The following ARRB1 variants were observed in gnomAD, a reference collection of about 807,000 sequenced individuals.
The protein encoded by ARRB1 is beta-arrestin-1.
ARRB1 carries 21 observed loss-of-function variants against 56.8 expected under a neutral mutation model. That is an observed-to-expected ratio of 0.37 (90% CI 0.26 to 0.53). The LOEUF (loss-of-function observed/expected upper bound fraction) is 0.53, where lower values mean the gene tolerates loss of function less well. ARRB1 is among the 20% of genes least tolerant of loss of function. ARRB1 has a pLI of 0.88. For missense variants in ARRB1, 424 were observed against 553.7 expected, an observed-to-expected ratio of 0.77 and a Z score of 2.35; for synonymous variants, 210 against 218.6, an observed-to-expected ratio of 0.96 and a Z score of 0.35.
chr11:75,267,970 A>T (rs1591885821), intron 14 of ARRB1, among the ~76,000 whole-genome samples: 1 of 152,322 alleles, frequency 6.6e-6, no homozygotes, highest in East Asian at 1.9e-4. Flanking sequence ...GTTTCTTTTG[A>T]CAGGTCTCCA....
rs1334902468 is a variant in ARRB1 at position 75,266,286 on chromosome 11, G to C, written c.1146-12C>G. ...CAATGTCGTCATCACTGGTGGGAGA[G>C]ACAAGGAAAATGTGGTGTGTTTGCA... is the stretch of plus-strand genomic sequence containing the variant. On this transcript the variant is annotated splice_polypyrimidine_tract_variant and intron_variant, in intron 15 of 15. Transcript: ENST00000420843. The C allele has an allele frequency of 6.2e-7, 1 of 1,608,844 alleles. No individual in the cohort carries two copies. Among genetic ancestry groups the C allele is most frequent in the Non-Finnish European group, 8.5e-7 (1 of 1,175,108 alleles).
chr11:75,280,938 G>A (rs772622467), intron 7 of ARRB1, 137 bp downstream of exon 7: 90 of 1,027,132 alleles, frequency 8.8e-5, no homozygotes, highest in South Asian at 1.8e-4. Flanking sequence ...CCAGCTTCCA[G>A]AGTGCCCTTC....
At chr11:75,305,509 T>C (rs1032676223) in intron 1 of ARRB1, among the ~76,000 whole-genome samples, 1 of 152,214 alleles carries the variant, frequency 6.6e-6, no homozygotes, top group Non-Finnish European at 1.5e-5. Flanking sequence ...TTCACACTGG[T>C]AGAGTGAAAT....
intron 13 of ARRB1, among the ~76,000 whole-genome samples, chr11:75,269,408 C>A (rs1946022709): frequency 1.3e-5 from 2 of 152,182 alleles, no homozygotes; most frequent in Non-Finnish European, 2.9e-5. Context: ...TCTCCCAACA[C>A]CTCCAGGGTG....
chr11:75,284,029 A>G (rs993517247), intron 4 of ARRB1, among the ~76,000 whole-genome samples: 6 of 152,168 alleles, frequency 3.9e-5, no homozygotes, highest in African/African-American at 1.2e-4. Context: ...TATTGATGTG[A>G]AAGTGCTCAG....
At chr11:75,285,123 T>C (rs1193488899) in intron 3 of ARRB1, among the ~76,000 whole-genome samples, 1 of 152,160 alleles carries the variant, frequency 6.6e-6, no homozygotes, top group Non-Finnish European at 1.5e-5. Context: ...GGAAGCAATG[T>C]TAGGTTTTCA....
chr11:75,276,796 C>T lies in ARRB1; in HGVS notation c.776+43G>A, dbSNP rs768541327. On this transcript the variant is annotated intron_variant, in intron 10 of 15. Transcript: ENST00000420843. ...GGACACCTAGAGCTTCTCTTTTTCC[C>T]ACCCAATCCCATACGCCCAAGGCCA... 4 of 1,600,876 alleles carry T rather than the reference C, an allele frequency of 2.5e-6. No individual in the cohort carries two copies. The South Asian group carries it at 3.3e-5, about 13-fold the overall frequency.
At chr11:75,271,198 A>G (rs1210921352) in intron 13 of ARRB1, 2 of 152,748 alleles carry the variant, frequency 1.3e-5, no homozygotes, top group Non-Finnish European at 1.5e-5. Flanking sequence ...AGGATGAGCC[A>G]CACTGCCATC....
At chr11:75,325,781 C>A (rs980741586) in intron 1 of ARRB1, among the ~76,000 whole-genome samples, 1 of 152,176 alleles carries the variant, frequency 6.6e-6, no homozygotes, top group African/African-American at 2.4e-5. Flanking sequence ...TTCCAGGCAC[C>A]CCCAGGCATG....
intron 1 of ARRB1, among the ~76,000 whole-genome samples, chr11:75,307,794 G>C (rs1369483423): frequency 1.3e-5 from 2 of 151,772 alleles, no homozygotes; most frequent in South Asian, 4.1e-4. Context: ...ATTTATGTCA[G>C]CTGTGTGTCT....
At chr11:75,272,825 C>T in intron 12 of ARRB1, 70 bp downstream of exon 12, 1 of 1,497,652 alleles carries the variant, frequency 6.7e-7, no homozygotes, top group Non-Finnish European at 9.3e-7. Flanking sequence ...CAGAATGGGG[C>T]AGGGGCCTGT....
rs1425015893 is a variant in ARRB1, at chr11:75,266,250, G to A, written c.1170C>T (p.Asp390=). 3 of 1,614,084 alleles carry A rather than the reference G, an allele frequency of 1.9e-6. No homozygotes were observed. The highest frequency in any genetic ancestry group is 3.3e-5 in the Admixed American group (2 of 60,008). ...TGCCTTTCAGTCTCTGGCGAGCAAAGTCCTCAAATACAATGTCGTCATCAC... is the reference window on the plus strand; with the variant it reads ...TGCCTTTCAGTCTCTGGCGAGCAAAATCCTCAAATACAATGTCGTCATCAC... ...DTNDDDIVFE[D]FARQRLKGMK... Residue 390 remains aspartate (D), a synonymous_variant, in exon 16 of 16, where the codon GAC becomes GAT. Coordinates refer to ENST00000420843, the MANE Select transcript of ARRB1 (RefSeq NM_004041.5).
At position 75,274,061 on chromosome 11, in the gene ARRB1, G is replaced by A; in HGVS notation, c.914+13C>T. ...TGCACTAGGAGCCCAGGGCTAGGAG[G>A]GCAGGTCCTCACAGGGTGCTAGAGG... On this transcript the variant is annotated intron_variant, in intron 11 of 15. Coordinates refer to ENST00000420843, the MANE Select transcript of ARRB1 (RefSeq NM_004041.5). The A allele has an allele frequency of 6.2e-7, 1 of 1,614,108 alleles. No individual in the cohort carries two copies. The highest frequency in any genetic ancestry group is 8.5e-7 in the Non-Finnish European group (1 of 1,179,946).
At chr11:75,297,128 TG>T (rs2140453565) in intron 1 of ARRB1, among the ~76,000 whole-genome samples, 1 of 152,250 alleles carries the variant, frequency 6.6e-6, no homozygotes, top group South Asian at 2.1e-4. Context: ...TGAGAAGACT[TG>T]ATGTTAAGAT....
At chr11:75,325,681 T>C (rs965061069) in intron 1 of ARRB1, among the ~76,000 whole-genome samples, 2 of 152,146 alleles carry the variant, frequency 1.3e-5, no homozygotes, top group Non-Finnish European at 2.9e-5. Flanking sequence ...CCATCCAAAA[T>C]ATAGACTAGT....
chr11:75,287,401 T>C (rs758126887), intron 2 of ARRB1, 26 bp from the exon 3 acceptor site: 1 of 1,554,146 alleles, frequency 6.4e-7, no homozygotes, highest in South Asian at 1.2e-5. Flanking sequence ...ATAGGGGGCG[T>C]TAGCAGCTGC....
chr11:75,274,148 A>T lies in ARRB1; in HGVS notation c.840T>A (p.Asn280Lys). Residue 280 changes from asparagine to lysine, a missense_variant, in exon 11 of 16, where the codon AAT becomes AAA. Physicochemically the swap from Asn to Lys is moderately conservative, Grantham distance 94. Transcript: ENST00000420843. ...AGGCGAGGCCCCGCTTCTCTCGGTT[A>T]TTGGCTAGGAAGGGGGTCAGTGTGT... The part of the protein sequence containing the change: ...KVYTLTPFLA[N>K]NREKRGLALD... 1 of 1,614,174 alleles carries T rather than the reference A, an allele frequency of 6.2e-7. No homozygotes were observed. Among genetic ancestry groups the T allele is most frequent in the Non-Finnish European group, 8.5e-7 (1 of 1,180,030 alleles).
chr11:75,325,883 C>T (rs369496788), intron 1 of ARRB1, among the ~76,000 whole-genome samples: 1 of 152,188 alleles, frequency 6.6e-6, no homozygotes, highest in Non-Finnish European at 1.5e-5. Flanking sequence ...TCTGGTCTGA[C>T]CCTGCCAGTG....
chr11:75,343,397 A>G (rs1257345740), intron 1 of ARRB1, among the ~76,000 whole-genome samples: 3 of 152,120 alleles, frequency 2.0e-5, no homozygotes, highest in Non-Finnish European at 4.4e-5. Flanking sequence ...GGGAGGCTCA[A>G]AAAAATGAAT....
Sources: allele counts gnomAD v4.1 joint callset (sites outside exome capture counted in the v4.1 genomes callset), GRCh38; gene constraint gnomAD v4.1.1; transcripts MANE v1.5; gene names NCBI Gene and HGNC (gene_info 2026-07-23, HGNC 2026-07-21).